The following CDH18 variants were observed in gnomAD, a reference collection of about 807,000 sequenced individuals.
The protein encoded by CDH18 is cadherin 18.
A neutral mutation model predicts 67.9 loss-of-function variants in CDH18; 31 were observed. That is an observed-to-expected ratio of 0.46 (90% confidence interval 0.34 to 0.62). The LOEUF is 0.62. Ranked by LOEUF, CDH18 falls within the 20% of genes least tolerant of loss-of-function variation. CDH18 has a pLI of 0.01. For missense variants in CDH18, 890 were observed against 975.5 expected (o/e 0.91, Z 1.17); for synonymous variants, 362 against 347.2 (o/e 1.04, Z -0.48).
At chr5:19,653,993 T>C (rs1352517010) in intron 5 of CDH18, among the ~76,000 whole-genome samples, 1 of 152,182 alleles carries the variant, frequency 6.6e-6, no homozygotes, top group Non-Finnish European at 1.5e-5. Flanking sequence ...TGTTAATGTT[T>C]CCCTAACTAG....
chr5:20,487,057 G>A (rs975265766), intron 1 of CDH18, among the ~76,000 whole-genome samples: 1 of 152,172 alleles, frequency 6.6e-6, no homozygotes, highest in South Asian at 2.1e-4. Flanking sequence ...AGTTGTGAGT[G>A]TATGACAGCT....
At chr5:19,892,404 T>A (rs895983621) in intron 2 of CDH18, among the ~76,000 whole-genome samples, 1 of 152,164 alleles carries the variant, frequency 6.6e-6, no homozygotes, top group Non-Finnish European at 1.5e-5. Context: ...AAACAAGAAT[T>A]TGTGTAGGGC....
At chr5:20,139,663 G>A (rs1345387707) in intron 2 of CDH18, among the ~76,000 whole-genome samples, 1 of 152,152 alleles carries the variant, frequency 6.6e-6, no homozygotes, top group East Asian at 1.9e-4. Flanking sequence ...GGAAGGATAT[G>A]AACAGACACT....
chr5:19,496,631 G>C (rs1478626474), intron 11 of CDH18, among the ~76,000 whole-genome samples: 1 of 152,026 alleles, frequency 6.6e-6, no homozygotes, highest in Non-Finnish European at 1.5e-5. Flanking sequence ...TGGCCAACAT[G>C]GTAAACCCTG....
At chr5:19,613,148 A>AAAT (rs1554059722) in intron 5 of CDH18, among the ~76,000 whole-genome samples, 12 of 152,026 alleles carry the variant, frequency 7.9e-5, no homozygotes, top group South Asian at 2.1e-4. Context: ...CCAACTAAAA[A>AAAT]AATAATAATA....
Position 20,170,939 on chromosome 5 carries a change from T to C in CDH18, c.-518+84505A>G, listed in dbSNP as rs116407940. 5.7e-3 allele frequency among the ~76,000 whole-genome samples: 868 copies of C among 152,216 alleles called. 9 individuals are homozygous for C. Among genetic ancestry groups the C allele is most frequent in the African/African-American group, 0.02 (832 of 41,560 alleles). On this transcript the variant is annotated intron_variant, in intron 2 of 14. Transcript: ENST00000507958. ...GTTCTCATCATTTAGCTCCCACTTA[T>C]AAAGGAGATCCTGTGATATTTAGTT...
intron 1 of CDH18, among the ~76,000 whole-genome samples, chr5:20,434,709 A>G (rs1454285056): frequency 6.6e-6 from 1 of 152,072 alleles, no homozygotes; most frequent in Admixed American, 6.6e-5. Flanking sequence ...TCTCCTAATC[A>G]GACCAACTGG....
At chr5:19,790,377 T>C (rs1776232740) in intron 3 of CDH18, among the ~76,000 whole-genome samples, 2 of 152,188 alleles carry the variant, frequency 1.3e-5, no homozygotes, top group African/African-American at 2.4e-5. Context: ...TTAGATTATA[T>C]ACTATGTGCG....
At chr5:20,419,594 G>GC (rs1386782939) in intron 1 of CDH18, among the ~76,000 whole-genome samples, 3 of 139,692 alleles carry the variant, frequency 2.1e-5, no homozygotes, top group Admixed American at 2.1e-4. Flanking sequence ...TCCTGCCTCA[G>GC]CTCCCCTTCA....
chr5:19,944,608 T>C (rs1795123953), intron 2 of CDH18, among the ~76,000 whole-genome samples: 1 of 152,184 alleles, frequency 6.6e-6, no homozygotes, highest in Non-Finnish European at 1.5e-5. Context: ...GCACTCAATA[T>C]CATTGTTGAA....
In CDH18 at chr5:19,928,624, G is replaced by A. The variant is rs186873391; in HGVS notation, c.-257+52436C>T. The stretch of plus-strand genomic sequence containing the variant: ...TACTCCTGTGTGAGCTTGAGAATGT[G>A]TTAAAAGAAAGAAATGAACAATGGG... On this transcript the variant is annotated intron_variant, in intron 2 of 12. Coordinates refer to ENST00000382275, the MANE Select transcript of CDH18 (RefSeq NM_004934.5). Among the ~76,000 whole-genome samples the A allele has an allele frequency of 8.5e-5, 13 of 152,252 alleles. No homozygotes were observed. The East Asian group carries it at 2.5e-3, about 29-fold the overall frequency.
intron 1 of CDH18, among the ~76,000 whole-genome samples, chr5:20,436,907 AGATTT>A (rs1749208516): frequency 6.6e-6 from 1 of 151,664 alleles, no homozygotes; most frequent in Non-Finnish European, 1.5e-5. Context: ...AGGAACATTT[AGATTT>A]GAGTTACAAA....
At chr5:19,648,217 C>T (rs1001472776) in intron 5 of CDH18, among the ~76,000 whole-genome samples, 1 of 150,478 alleles carries the variant, frequency 6.6e-6, no homozygotes, top group Non-Finnish European at 1.5e-5. Flanking sequence ...TAGTTCGAGA[C>T]CAGCCTGGCC....
At chr5:19,475,671 C>T (rs1738336582) in intron 12 of CDH18, among the ~76,000 whole-genome samples, 1 of 151,892 alleles carries the variant, frequency 6.6e-6, no homozygotes, top group African/African-American at 2.4e-5. Context: ...TATATTATTC[C>T]TTGTGACATA....
chr5:20,469,170 G>C (rs1751874357), intron 1 of CDH18, among the ~76,000 whole-genome samples: 1 of 152,136 alleles, frequency 6.6e-6, no homozygotes, highest in South Asian at 2.1e-4. Flanking sequence ...TGAGAAGAAA[G>C]ACTTCAAGGG....
intron 1 of CDH18, among the ~76,000 whole-genome samples, chr5:20,513,622 A>G (rs1364755120): frequency 6.6e-6 from 1 of 152,186 alleles, no homozygotes; most frequent in Non-Finnish European, 1.5e-5. Flanking sequence ...TTGATCAAAT[A>G]AAGGTTTCAA....
chr5:19,787,049 C>T (rs1029048872), intron 3 of CDH18, among the ~76,000 whole-genome samples: 1 of 152,124 alleles, frequency 6.6e-6, no homozygotes, highest in African/African-American at 2.4e-5. Context: ...AGAAGTAGGA[C>T]TGGGAAATGC....
intron 1 of CDH18, among the ~76,000 whole-genome samples, chr5:20,276,592 A>G (rs1561932385): frequency 6.6e-6 from 1 of 152,194 alleles, no homozygotes; most frequent in South Asian, 2.1e-4. Context: ...GACTCAGCAC[A>G]TTCCTAGCAG....
chr5:20,168,863 A>T (rs1000207960), intron 2 of CDH18, among the ~76,000 whole-genome samples: 38 of 152,172 alleles, frequency 2.5e-4, no homozygotes, highest in African/African-American at 8.7e-4. Flanking sequence ...GCTGGAGATG[A>T]TTACGGTAAA....
Sources: allele counts gnomAD v4.1 joint callset (sites outside exome capture counted in the v4.1 genomes callset), GRCh38; gene constraint gnomAD v4.1.1; transcripts MANE v1.5; gene names NCBI Gene and HGNC (gene_info 2026-07-23, HGNC 2026-07-21).